Variants in CLVS1 observed in about 807,000 individuals in gnomAD.
The protein encoded by CLVS1 is clavesin 1.
A neutral mutation model predicts 33.1 loss-of-function variants in CLVS1; 10 were observed. The ratio of observed to expected loss-of-function variants is 0.30; its 90% confidence interval spans 0.19 to 0.51. The LOEUF is 0.51. CLVS1 is among the 20% of genes least tolerant of loss of function. The pLI, the probability that CLVS1 is intolerant of heterozygous loss-of-function variation, is 0.97. For missense variants in CLVS1, 343 were observed against 433.4 expected (o/e 0.79, Z 1.85); for synonymous variants, 163 against 166.1 (o/e 0.98, Z 0.14).
At chr8:61,108,618 G>A (rs930913520) in intron 1 of CLVS1, among the ~76,000 whole-genome samples, 4 of 152,184 alleles carry the variant, frequency 2.6e-5, no homozygotes, top group Non-Finnish European at 5.9e-5. Flanking sequence ...GCTTCCAAGA[G>A]ATCTCTTAAG....
At chr8:61,114,570 G>C (rs1299425247) in intron 1 of CLVS1, among the ~76,000 whole-genome samples, 1 of 152,150 alleles carries the variant, frequency 6.6e-6, no homozygotes, top group Non-Finnish European at 1.5e-5. Flanking sequence ...CATCCAGCTA[G>C]CTGCTACACT....
intron 3 of CLVS1, among the ~76,000 whole-genome samples, chr8:61,419,001 G>A (rs1005559422): frequency 1.3e-5 from 2 of 152,180 alleles, no homozygotes; most frequent in African/African-American, 4.8e-5. Context: ...GCACAAAGTG[G>A]CCAATAAATA....
At chr8:61,391,793 A>G (rs976796692) in intron 3 of CLVS1, among the ~76,000 whole-genome samples, 2 of 152,226 alleles carry the variant, frequency 1.3e-5, no homozygotes, top group African/African-American at 4.8e-5. Flanking sequence ...ATAGGGCAGC[A>G]TTAAAGTAGA....
At chr8:61,404,218 C>A (rs749724442) in intron 3 of CLVS1, among the ~76,000 whole-genome samples, 5 of 152,182 alleles carry the variant, frequency 3.3e-5, no homozygotes, top group Non-Finnish European at 5.9e-5. Context: ...AAGCCCTCTG[C>A]AGCCAGAGTT....
At chr8:61,054,295 C>G (rs906124085), upstream of CLVS1, among the ~76,000 whole-genome samples, 2 of 152,160 alleles carry the variant, frequency 1.3e-5, no homozygotes, top group Non-Finnish European at 2.9e-5. Flanking sequence ...GGTAGGGTTG[C>G]GACCAGAGAA....
At chr8:61,199,455 C>G (rs1807684477) in intron 2 of CLVS1, among the ~76,000 whole-genome samples, 1 of 152,058 alleles carries the variant, frequency 6.6e-6, no homozygotes, top group Non-Finnish European at 1.5e-5. Context: ...ACAATATGAA[C>G]AGACATTTCT....
At chr8:61,090,014 T>C (rs1805204563) in intron 1 of CLVS1, among the ~76,000 whole-genome samples, 1 of 152,228 alleles carries the variant, frequency 6.6e-6, no homozygotes, top group African/African-American at 2.4e-5. Context: ...TATGAAGAAG[T>C]TCTCCCTAAT....
At position 61,500,588 on chromosome 8, in the gene CLVS1, C is replaced by T; in HGVS notation, c.*1046C>T. The T allele has an allele frequency of 6.6e-6, 1 of 152,142 alleles. No homozygotes were observed. The highest frequency in any genetic ancestry group is 1.9e-4 in the East Asian group (1 of 5,190). The allele number at this position is 152,142 out of a possible 1,614,324, so 9.4% of individuals were successfully genotyped here. A position where few individuals can be genotyped will look rare whatever the true frequency, so the allele number is the denominator to read the frequency against. ...TCAAAGGTCATTTTATTTACCTAGT[C>T]TCCTTAGAAATGGAGTCCCCAACTA... On this transcript the variant is annotated 3_prime_UTR_variant, in exon 6 of 6. Transcript: ENST00000325897.
At chr8:61,086,832 C>T (rs55796089) in intron 1 of CLVS1, among the ~76,000 whole-genome samples, 10,214 of 152,228 alleles carry the variant, frequency 0.067, 370 homozygotes, top group Middle Eastern at 0.12. Flanking sequence ...ACAGTAAAGG[C>T]AAGTTGTATT....
At chr8:61,218,088 A>G (rs979569071) in intron 2 of CLVS1, among the ~76,000 whole-genome samples, 1 of 150,788 alleles carries the variant, frequency 6.6e-6, no homozygotes, top group Non-Finnish European at 1.5e-5. Flanking sequence ...GGAGAACAGT[A>G]TAGAGGTTTC....
the CLVS1 span, among the ~76,000 whole-genome samples, chr8:61,009,697 A>G: frequency 6.6e-6 from 1 of 152,148 alleles, no homozygotes; most frequent in Non-Finnish European, 1.5e-5. Context: ...TTGTCATGCA[A>G]ATTTTAGGCA....
chr8:61,326,136 G>A (rs1358369112), intron 2 of CLVS1, among the ~76,000 whole-genome samples: 1 of 152,082 alleles, frequency 6.6e-6, no homozygotes, highest in Non-Finnish European at 1.5e-5. Context: ...GCCTTCATTT[G>A]CAACACAGAA....
chr8:61,398,492 A>G (rs565723887), intron 3 of CLVS1, among the ~76,000 whole-genome samples: 10 of 151,934 alleles, frequency 6.6e-5, no homozygotes, highest in African/African-American at 2.4e-4. Flanking sequence ...TAAGTCTTGC[A>G]TTTCTTTTGT....
intron 2 of CLVS1, among the ~76,000 whole-genome samples, chr8:61,132,918 A>G (rs80128426): frequency 0.044 from 6,723 of 152,280 alleles, 189 homozygotes; most frequent in South Asian, 0.1. Context: ...GCTCTGTGCC[A>G]GGTGTGGGAG....
intron 5 of CLVS1, among the ~76,000 whole-genome samples, chr8:61,468,365 A>G (rs949663652): frequency 6.6e-6 from 1 of 152,180 alleles, no homozygotes; most frequent in African/African-American, 2.4e-5. Flanking sequence ...CTAAGATTTT[A>G]AAAAATGTTT....
intron 3 of CLVS1, among the ~76,000 whole-genome samples, chr8:61,402,983 A>C (rs1035119357): frequency 1.3e-5 from 2 of 152,212 alleles, no homozygotes; most frequent in Non-Finnish European, 2.9e-5. Flanking sequence ...ATATAATGCT[A>C]AAACATGATA....
chr8:60,976,827 A>G, the CLVS1 span, among the ~76,000 whole-genome samples: 1 of 152,232 alleles, frequency 6.6e-6, no homozygotes, highest in East Asian at 1.9e-4. Context: ...TCTGCCGCCC[A>G]GTGGGGCAAT....
chr8:61,405,698 AC>A (rs552366368), intron 3 of CLVS1, among the ~76,000 whole-genome samples: 31 of 149,500 alleles, frequency 2.1e-4, no homozygotes, highest in Middle Eastern at 3.5e-3. Context: ...GATAAGTGGA[AC>A]TGACTTTTTT....
At chr8:61,025,619 T>C in the CLVS1 span, among the ~76,000 whole-genome samples, 1 of 152,214 alleles carries the variant, frequency 6.6e-6, no homozygotes. Flanking sequence ...GGCAAACCCT[T>C]CGAAATATCC....
Sources: gnomAD v4.1 joint callset for allele counts (sites outside exome capture counted in the v4.1 genomes callset) on GRCh38, gnomAD v4.1.1 for gene constraint, MANE v1.5 for transcripts, NCBI Gene and HGNC (gene_info 2026-07-23, HGNC 2026-07-21) for gene names.